Variants in OVOL2 observed in about 807,000 individuals in gnomAD.
OVOL2 encodes ovo like zinc finger 2.
In OVOL2, 13 loss-of-function variants were observed where a neutral mutation model predicts 18.1. That is an observed-to-expected ratio of 0.72 (90% CI 0.47 to 1.14). The LOEUF (loss-of-function observed/expected upper bound fraction) is 1.14, where lower values mean the gene tolerates loss of function less well. OVOL2 is among the 50% of genes most tolerant of loss of function. OVOL2 has a pLI of 0.00. For missense variants in OVOL2, 335 were observed against 383.0 expected, an observed-to-expected ratio of 0.87 and a Z score of 1.05; for synonymous variants, 166 against 162.7, an observed-to-expected ratio of 1.02 and a Z score of -0.16.
rs1213130136 is a variant in OVOL2 at position 18,024,813 on chromosome 20, C to T, written c.651G>A (p.Glu217=). The T allele has an allele frequency of 6.8e-6, 11 of 1,614,088 alleles. No individual in the cohort carries two copies. The highest frequency in any genetic ancestry group is 1.3e-5 in the African/African-American group (1 of 74,932). The part of the protein sequence containing the change: ...KQRRDKLYVC[E]DCGYTGPTQE... ...GGGTGGGGCCCGTGTAGCCGCAATC[C>T]TCGCAGACGTAGAGCTTGTCCCGCC... The change falls in exon 4 of 4, where the codon GAG becomes GAA. Residue 217 remains glutamate (E), a synonymous_variant. Coordinates refer to ENST00000278780, the MANE Select transcript of OVOL2 (RefSeq NM_021220.4).
chr20:18,048,113 T>C (rs563051110), intron 2 of OVOL2, among the ~76,000 whole-genome samples: 3 of 148,744 alleles, frequency 2.0e-5, no homozygotes, highest in Non-Finnish European at 4.5e-5. Flanking sequence ...ATGGTGAAAC[T>C]CCATCTCTAC....
At chr20:18,055,360 A>G (rs1488078043) in intron 2 of OVOL2, among the ~76,000 whole-genome samples, 1 of 152,144 alleles carries the variant, frequency 6.6e-6, no homozygotes, top group Non-Finnish European at 1.5e-5. Flanking sequence ...GGCACTTTGT[A>G]GAATCTCCCG....
chr20:18,054,397 G>C (rs2036797904), intron 2 of OVOL2, among the ~76,000 whole-genome samples: 1 of 152,212 alleles, frequency 6.6e-6, no homozygotes, highest in Admixed American at 6.5e-5. Context: ...CTCTGTGCCA[G>C]GCAATAGCTC....
rs1391023657 is a variant in OVOL2, at chr20:18,057,327, CT to C, written c.100+207del. Among the ~76,000 whole-genome samples, 4 of 152,204 alleles carry C rather than the reference CT, an allele frequency of 2.6e-5. No individual in the cohort carries two copies. Among genetic ancestry groups the C allele is most frequent in the African/African-American group, 9.6e-5 (4 of 41,462 alleles). The stretch of plus-strand genomic sequence containing the variant: ...GGTCCCGCCGCCGGGCAATTAGAGG[CT>C]CCCACTACGGGGAAGGGGGCGCCTA... On this transcript the variant is annotated intron_variant, in intron 1 of 3. Transcript: ENST00000278780. The surrounding 1 kb of genome is among the most constrained non-coding windows in gnomAD (Gnocchi z 6.3).
Position 18,057,858 on chromosome 20 carries a change from T to A in OVOL2, c.-224A>T. 1 of 1,344,494 alleles carries A rather than the reference T, an allele frequency of 7.4e-7. No homozygotes were observed. The highest frequency in any genetic ancestry group is 9.5e-7 in the Non-Finnish European group (1 of 1,055,024). The allele number at this position is 1,344,494 out of a possible 1,614,324, so 83.3% of individuals were successfully genotyped here. A position where few individuals can be genotyped will look rare whatever the true frequency, so the allele number is the denominator to read the frequency against. The stretch of plus-strand genomic sequence containing the variant: ...CGACACCTATGCCTTAAATCGCGAG[T>A]GAGACCACGCCGGGGAAAAAGTTTC... On this transcript the variant is annotated 5_prime_UTR_variant, in exon 1 of 4. Transcript: ENST00000278780. The surrounding 1 kb of genome is among the most constrained non-coding windows in gnomAD (Gnocchi z 6.3).
intron 2 of OVOL2, among the ~76,000 whole-genome samples, chr20:18,048,195 G>A (rs1464751876): frequency 3.3e-5 from 5 of 152,022 alleles, no homozygotes; most frequent in Admixed American, 1.3e-4. Flanking sequence ...GCTGAGGCAC[G>A]AGAATCACTT....
intron 3 of OVOL2, among the ~76,000 whole-genome samples, chr20:18,040,949 G>A (rs891398948): frequency 2.0e-5 from 3 of 152,142 alleles, no homozygotes; most frequent in Non-Finnish European, 2.9e-5. Flanking sequence ...CAGGCCCCGC[G>A]TGTGTGCCAT....
rs1011125181 is a variant in OVOL2, at chr20:18,056,848, G to A, written c.130C>T (p.Pro44Ser). 3 of 1,488,412 alleles carry A rather than the reference G, an allele frequency of 2.0e-6. No homozygotes were observed. The highest frequency in any genetic ancestry group is 2.9e-5 in the African/African-American group (2 of 68,580). 92.2% of individuals were successfully genotyped at this position (1,488,412 alleles called of 1,614,324 possible). Residue 44 changes from proline (P) to serine (S), a missense_variant, in exon 2 of 4, where the codon CCC (proline) becomes TCC (serine). Physicochemically the swap from Pro to Ser is moderately conservative, Grantham distance 74. Transcript: ENST00000278780. This position sits in a 1 kb window ranked among gnomAD's most constrained non-coding sequence, Gnocchi z 4.2. Reference protein sequence around the residue: ...VGLGRLLHDPPEDCRSDGGSS... With the variant: ...VGLGRLLHDPSEDCRSDGGSS... ...CCGCCGTCGCTGCGGCAGTCCTCGG[G>A]GGGGTCGTGGAGCAGGCGGCCTAGG...
intron 2 of OVOL2, among the ~76,000 whole-genome samples, chr20:18,049,590 A>C (rs1431594992): frequency 6.6e-6 from 1 of 151,662 alleles, no homozygotes; most frequent in African/African-American, 2.4e-5. Context: ...TAGACTTCAC[A>C]ACTCCCCTAC....
At chr20:18,031,437 C>T (rs552730839) in intron 3 of OVOL2, among the ~76,000 whole-genome samples, 1 of 152,238 alleles carries the variant, frequency 6.6e-6, no homozygotes, top group South Asian at 2.1e-4. Context: ...TTTAGCCGGG[C>T]ATGGTGGCGA....
At position 18,028,959 on chromosome 20, in the gene OVOL2, C is replaced by T. The variant is rs75225664; in HGVS notation, c.512-4007G>A. On this transcript the variant is annotated intron_variant, in intron 3 of 3. Coordinates refer to ENST00000278780, the MANE Select transcript of OVOL2 (RefSeq NM_021220.4). ...TTGTCACCCCATGCACCTCTCCTTC[C>T]CTAGTCCTAACTCGCAAGTTTCTTG... Among the ~76,000 whole-genome samples the T allele has an allele frequency of 5.0e-3, 767 of 152,098 alleles. 4 individuals carry two copies. The highest frequency in any genetic ancestry group is 0.017 in the African/African-American group (716 of 41,494).
chr20:18,025,570 A>G (rs1381623968), intron 3 of OVOL2, among the ~76,000 whole-genome samples: 2 of 152,206 alleles, frequency 1.3e-5, no homozygotes, highest in African/African-American at 4.8e-5. Context: ...CTCCATTAAA[A>G]AAAAATTAAT....
Position 18,056,976 on chromosome 20 carries a change from C to G in OVOL2, c.101-99G>C. 1 of 1,324,406 alleles carries G rather than the reference C, an allele frequency of 7.6e-7. No homozygotes were observed. The highest frequency in any genetic ancestry group is 3.1e-5 in the East Asian group (1 of 32,154). 82.0% of individuals were successfully genotyped at this position (1,324,406 alleles called of 1,614,324 possible). A position where few individuals can be genotyped will look rare whatever the true frequency, so the allele number is the denominator to read the frequency against. On this transcript the variant is annotated intron_variant, in intron 1 of 3. Transcript: ENST00000278780. The surrounding 1 kb of genome is among the most constrained non-coding windows in gnomAD (Gnocchi z 4.2). ...GGGCGGTGCTGCCGCCGCCCCGCCC[C>G]GGACCTGGGCACCTCGCCAAGTGGG...
intron 3 of OVOL2, among the ~76,000 whole-genome samples, chr20:18,032,150 G>A (rs191249666): frequency 1.6e-3 from 248 of 151,944 alleles, no homozygotes; most frequent in African/African-American, 5.7e-3. Context: ...ACAGGGAGGC[G>A]AAGGATATAC....
chr20:18,027,730 G>T (rs1021836311), intron 3 of OVOL2, among the ~76,000 whole-genome samples: 1 of 150,818 alleles, frequency 6.6e-6, no homozygotes, highest in Admixed American at 6.6e-5. Flanking sequence ...CGAGTAGCTG[G>T]GACTACAGGC....
chr20:18,046,915 G>A (rs1359437591), intron 2 of OVOL2, among the ~76,000 whole-genome samples: 1 of 149,764 alleles, frequency 6.7e-6, no homozygotes. Flanking sequence ...AACAATAGTG[G>A]AATAGAGAGA....
At chr20:18,028,079 C>T (rs1282180097) in intron 3 of OVOL2, among the ~76,000 whole-genome samples, 4 of 152,160 alleles carry the variant, frequency 2.6e-5, no homozygotes, top group African/African-American at 9.7e-5. Context: ...CTGGAGAAAC[C>T]CGCAGACCCT....
intron 3 of OVOL2, among the ~76,000 whole-genome samples, chr20:18,026,498 C>T (rs2036517795): frequency 6.6e-6 from 1 of 151,856 alleles, no homozygotes; most frequent in South Asian, 2.1e-4. Flanking sequence ...TCTCCTGCCT[C>T]AGCCTCCCGA....
At chr20:18,049,429 AT>A (rs368287040) in intron 2 of OVOL2, among the ~76,000 whole-genome samples, 4 of 152,250 alleles carry the variant, frequency 2.6e-5, no homozygotes, top group African/African-American at 9.6e-5. Flanking sequence ...CTATGGGAGG[AT>A]ATTCTGAGTC....
Sources: gnomAD v4.1 joint callset for allele counts (sites outside exome capture counted in the v4.1 genomes callset) on GRCh38, gnomAD v4.1.1 for gene constraint, Gnocchi (gnomAD v3.1) non-coding constraint, MANE v1.5 for transcripts, NCBI Gene and HGNC (gene_info 2026-07-23, HGNC 2026-07-21) for gene names.